DMD: variants seen among roughly 807,000 people sequenced by gnomAD.
DMD encodes the protein mutant dystrophin.
In DMD, 63 loss-of-function variants were observed where a neutral mutation model predicts 330.1. That is an observed-to-expected ratio of 0.19 (90% CI 0.16 to 0.24). The LOEUF (loss-of-function observed/expected upper bound fraction) is 0.24. DMD is among the 10% of genes least tolerant of loss of function. DMD has a pLI of 1.00. For synonymous variants in DMD, 1,223 were observed against 959.8 expected, an observed-to-expected ratio of 1.27 and a Z score of -5.07; for missense variants, 3,344 against 2,684.1, an observed-to-expected ratio of 1.25 and a Z score of -5.43.
chrX:31,712,425 T>C (rs918799384), intron 52 of DMD, among the ~76,000 whole-genome samples: 2 of 111,953 alleles, frequency 1.8e-5, no homozygotes, highest in African/African-American at 6.5e-5. Flanking sequence ...TCTTTGATAA[T>C]CCTTAAGAGG....
intron 44 of DMD, among the ~76,000 whole-genome samples, chrX:31,990,177 A>G (rs1174861643): frequency 8.9e-6 from 1 of 112,614 alleles, no homozygotes; most frequent in East Asian, 2.8e-4. Context: ...CGATGAAAAT[A>G]TACTGCAAGA....
chrX:32,883,848 A>G (rs905352117), intron 2 of DMD, among the ~76,000 whole-genome samples: 1 of 103,944 alleles, frequency 9.6e-6, no homozygotes, highest in African/African-American at 3.6e-5. Context: ...AAAAAAAAAA[A>G]AAAGAAAATG....
intron 44 of DMD, among the ~76,000 whole-genome samples, chrX:32,213,814 A>G (rs2097102194): frequency 9.0e-6 from 1 of 110,869 alleles, no homozygotes; most frequent in South Asian, 3.9e-4. Flanking sequence ...TCTCTACTAA[A>G]AATACAAAAA....
At chrX:33,020,295 T>C in intron 1 of DMD, 95 bp from the exon 2 acceptor site, 1 of 609,115 alleles carries the variant, frequency 1.6e-6, no homozygotes, top group Middle Eastern at 4.5e-4. Flanking sequence ...GATGTGTTAG[T>C]GTTTTTTTAC....
intron 9 of DMD, among the ~76,000 whole-genome samples, chrX:32,692,710 C>T (rs1316693753): frequency 8.9e-6 from 1 of 111,851 alleles, no homozygotes; most frequent in Non-Finnish European, 1.9e-5. Flanking sequence ...TATTAACTTG[C>T]CGAACTCTAT....
intron 43 of DMD, among the ~76,000 whole-genome samples, chrX:32,258,057 C>T: frequency 9.0e-6 from 1 of 110,620 alleles, no homozygotes; most frequent in Non-Finnish European, 1.9e-5. Flanking sequence ...GCAAACATAT[C>T]AAAAAAAGCT....
rs796478427 is a variant in DMD, at chrX:31,434,473, C to T, written c.9084+10008G>A. Among the ~76,000 whole-genome samples, 17 of 91,138 alleles carry T rather than the reference C, an allele frequency of 1.9e-4. 1 individual carries two copies. Among genetic ancestry groups the T allele is most frequent in the East Asian group, 1.5e-3 (4 of 2,721 alleles). The allele number at this position is 91,138 out of a possible 115,157, so 79.1% of individuals were successfully genotyped here. ...ACACACACACACACACACACACACA[C>T]ATTTAGGTCCTTACTATATATTCTG... On this transcript the variant is annotated intron_variant, in intron 60 of 78. Coordinates refer to ENST00000357033, the MANE Select transcript of DMD (RefSeq NM_004006.3).
chrX:32,727,606 G>A (rs980981171), intron 7 of DMD, among the ~76,000 whole-genome samples: 3 of 110,186 alleles, frequency 2.7e-5, no homozygotes, highest in Non-Finnish European at 3.8e-5. Context: ...ATTTCCTTAG[G>A]AAAATATCCG....
intron 38 of DMD, among the ~76,000 whole-genome samples, chrX:32,347,549 G>C (rs1010130786): frequency 1.8e-5 from 2 of 111,498 alleles, no homozygotes; most frequent in African/African-American, 6.5e-5. Flanking sequence ...CAGGAAGTGG[G>C]AACTAAGATT....
intron 30 of DMD, among the ~76,000 whole-genome samples, chrX:32,396,437 TA>T (rs933932983): frequency 1.8e-5 from 2 of 111,433 alleles, no homozygotes; most frequent in African/African-American, 6.5e-5. Flanking sequence ...TGATTAGAGA[TA>T]AAATTTTCTT....
intron 62 of DMD, among the ~76,000 whole-genome samples, chrX:31,262,217 T>A (rs968145301): frequency 2.7e-5 from 3 of 112,338 alleles, no homozygotes; most frequent in African/African-American, 9.7e-5. Flanking sequence ...TGGTCGCTTT[T>A]GGTATCATGT....
chrX:31,814,564 T>C (rs954374850), intron 50 of DMD, among the ~76,000 whole-genome samples: 1 of 107,306 alleles, frequency 9.3e-6, no homozygotes, highest in South Asian at 4.2e-4. Context: ...CAATGGGTTA[T>C]TCATTCCATA....
At chrX:31,444,675 CAAG>C (rs2065161230) in intron 59 of DMD, 48 bp from the exon 60 acceptor site, 1 of 1,169,664 alleles carries the variant, frequency 8.5e-7, no homozygotes, top group Non-Finnish European at 1.2e-6. Context: ...ATATTTAAAA[CAAG>C]AAGAACTGAT....
intron 44 of DMD, among the ~76,000 whole-genome samples, chrX:32,189,788 T>A (rs1458468491): frequency 6.3e-5 from 7 of 111,200 alleles, no homozygotes; most frequent in Non-Finnish European, 1.1e-4. Flanking sequence ...CAGCAAAATT[T>A]TGACCCCAAA....
intron 21 of DMD, among the ~76,000 whole-genome samples, chrX:32,472,760 T>A (rs2040798214): frequency 9.0e-6 from 1 of 111,261 alleles, no homozygotes; most frequent in Non-Finnish European, 1.9e-5. Context: ...GACCTTGATT[T>A]TTAAATTATA....
intron 2 of DMD, among the ~76,000 whole-genome samples, chrX:32,875,707 G>A (rs2083323232): frequency 8.9e-6 from 1 of 111,953 alleles, no homozygotes; most frequent in South Asian, 3.7e-4. Context: ...CAGACCCCAA[G>A]TAAATTTCAA....
At chrX:32,138,253 T>G (rs995794801) in intron 44 of DMD, among the ~76,000 whole-genome samples, 2 of 111,218 alleles carry the variant, frequency 1.8e-5, no homozygotes, top group African/African-American at 6.5e-5. Context: ...TTTCTTTTTT[T>G]CAAATCCTAT....
chrX:31,219,115 T>C (rs912476907), intron 64 of DMD, among the ~76,000 whole-genome samples: 1 of 111,807 alleles, frequency 8.9e-6, no homozygotes, highest in Admixed American at 9.5e-5. Context: ...TTACTACTTC[T>C]TCCCCTACCT....
At chrX:31,172,444 T>C (rs1421647831) in intron 72 of DMD, 31 bp from the exon 73 acceptor site, 1 of 1,047,615 alleles carries the variant, frequency 9.5e-7, no homozygotes, top group South Asian at 1.9e-5. Flanking sequence ...TCATTAAAAC[T>C]TATGTGACGT....
Sources: allele counts gnomAD v4.1 joint callset (sites outside exome capture counted in the v4.1 genomes callset), GRCh38; gene constraint gnomAD v4.1.1; transcripts MANE v1.5; gene names NCBI Gene and HGNC (gene_info 2026-07-23, HGNC 2026-07-21).